GFI1B: variants seen among roughly 807,000 people sequenced by gnomAD.
The protein encoded by GFI1B is growth factor independent 1B transcriptional repressor.
Under a neutral mutation model 35.3 loss-of-function variants are expected in GFI1B, and 20 were observed. The observed-to-expected ratio is 0.57, with a 90% CI of 0.40 to 0.82. The LOEUF is 0.82. Ranked by LOEUF, GFI1B falls within the 40% of genes least tolerant of loss-of-function variation. GFI1B has a pLI of 0.00. For synonymous variants in GFI1B, 178 were observed against 177.6 expected (o/e 1.00, Z -0.02); for missense variants, 430 against 446.3 (o/e 0.96, Z 0.33).
intron 2 of GFI1B, 64 bp from the exon 3 acceptor site, chr9:132,987,218 C>T: frequency 1.3e-6 from 2 of 1,564,036 alleles, no homozygotes; most frequent in Non-Finnish European, 1.7e-6. Context: ...GCGTGCCCTC[C>T]TTGCTCCCTC....
At chr9:132,970,432 C>T (rs372531578) in intron 1 of GFI1B, among the ~76,000 whole-genome samples, 5 of 152,152 alleles carry the variant, frequency 3.3e-5, no homozygotes, top group Non-Finnish European at 5.9e-5. Context: ...TGAACACACA[C>T]GCACGCATGC....
At chr9:132,981,870 A>T (rs1041565344) in intron 1 of GFI1B, among the ~76,000 whole-genome samples, 5 of 151,952 alleles carry the variant, frequency 3.3e-5, no homozygotes, top group Non-Finnish European at 7.4e-5. Context: ...CTCCAGCCTC[A>T]GCCTCCCGAG....
chr9:132,988,527 T>G, intron 4 of GFI1B, 59 bp downstream of exon 4: 1 of 1,499,856 alleles, frequency 6.7e-7, no homozygotes, highest in African/African-American at 1.4e-5. Flanking sequence ...CCCTCTCAAC[T>G]CACTGGCAGC....
upstream of GFI1B, among the ~76,000 whole-genome samples, chr9:132,974,510 G>A (rs1272666035): frequency 6.8e-6 from 1 of 147,186 alleles, no homozygotes; most frequent in African/African-American, 2.5e-5. Flanking sequence ...GCTGAGGCAG[G>A]AGAATCGCTT....
upstream of GFI1B, among the ~76,000 whole-genome samples, chr9:132,974,385 A>G (rs899262629): frequency 6.6e-6 from 1 of 151,990 alleles, no homozygotes; most frequent in African/African-American, 2.4e-5. Context: ...GGATCACTTG[A>G]GGTTAGGAGT....
chr9:132,949,019 C>G (rs886547770), intron 1 of GFI1B, among the ~76,000 whole-genome samples: 17 of 152,230 alleles, frequency 1.1e-4, no homozygotes, highest in African/African-American at 3.9e-4. Context: ...GCCTGTCTCA[C>G]CCGTGGTGTT....
At chr9:132,963,081 CAAAAAAAAA>C (rs763899545) in intron 1 of GFI1B, among the ~76,000 whole-genome samples, 3 of 47,988 alleles carry the variant, frequency 6.3e-5, no homozygotes, top group Non-Finnish European at 1.2e-4. Flanking sequence ...GACTCCATCT[CAAAAAAAAA>C]AAAAAAAAAA....
At chr9:132,957,151 G>A (rs1186967393) in intron 1 of GFI1B, among the ~76,000 whole-genome samples, 1 of 152,180 alleles carries the variant, frequency 6.6e-6, no homozygotes. Flanking sequence ...CAATGAGAGG[G>A]GACCACACAG....
chr9:132,987,336 A>G lies in GFI1B; in HGVS notation c.155A>G (p.Asn52Ser). ...NSPVLSTLFP[N>S]QCLDWTNLKR... ...CCTGTCCTTAGCACTCTATTCCCAA[A>G]CCAGTGCCTGGACTGGACCAACCTC... The change falls in exon 3 of 7, where the codon AAC becomes AGC. Residue 52 changes from asparagine to serine, a missense_variant. Transcript: ENST00000372122. 1 of 1,614,146 alleles carries G rather than the reference A, an allele frequency of 6.2e-7. No homozygotes were observed. Among genetic ancestry groups the G allele is most frequent in the Non-Finnish European group, 8.5e-7 (1 of 1,179,990 alleles).
intron 1 of GFI1B, among the ~76,000 whole-genome samples, chr9:132,955,326 G>A (rs1461971122): frequency 1.3e-5 from 2 of 151,906 alleles, no homozygotes; most frequent in Non-Finnish European, 2.9e-5. Context: ...GTCTTACTCT[G>A]TCACCCGGGA....
chr9:132,961,218 A>G (rs375008248), intron 1 of GFI1B, among the ~76,000 whole-genome samples: 94 of 152,324 alleles, frequency 6.2e-4, no homozygotes, highest in African/African-American at 1.4e-3. Context: ...TAGAAGACCG[A>G]TAAGTTAGGC....
chr9:132,983,568 G>A lies in GFI1B; in HGVS notation c.-20-3091G>A, dbSNP rs552174759. Among the ~76,000 whole-genome samples the A allele has an allele frequency of 3.3e-5, 5 of 152,298 alleles. No individual in the cohort carries two copies. The South Asian group carries it at 6.2e-4, about 19-fold the overall frequency. On this transcript the variant is annotated intron_variant, in intron 1 of 6. Coordinates refer to ENST00000372122, the MANE Select transcript of GFI1B (RefSeq NM_001377304.1). ...GCAGGCGGTGTTCACCGGGTGCTGT[G>A]AGGACCTCTGACAGTGCTGGGTGGC...
chr9:132,976,809 TG>T (rs781458036), upstream of GFI1B, among the ~76,000 whole-genome samples: 1 of 151,914 alleles, frequency 6.6e-6, no homozygotes, highest in Non-Finnish European at 1.5e-5. Context: ...CCAGGCATGG[TG>T]GTGCGCCTGT....
At chr9:132,983,040 T>C (rs1252859656) in intron 1 of GFI1B, among the ~76,000 whole-genome samples, 1 of 152,068 alleles carries the variant, frequency 6.6e-6, no homozygotes, top group African/African-American at 2.4e-5. Context: ...ACCTGGGTTC[T>C]CCTTAGGCCC....
At chr9:132,960,565 T>C (rs1279033716) in intron 1 of GFI1B, among the ~76,000 whole-genome samples, 1 of 151,990 alleles carries the variant, frequency 6.6e-6, no homozygotes, top group Admixed American at 6.6e-5. Context: ...GGTGCGATCA[T>C]AGCTCACTAC....
chr9:132,987,304 C>T lies in GFI1B; in HGVS notation c.123C>T (p.Ser41=). 1 of 1,614,100 alleles carries T rather than the reference C, an allele frequency of 6.2e-7. No individual in the cohort carries two copies. The highest frequency in any genetic ancestry group is 8.5e-7 in the Non-Finnish European group (1 of 1,179,968). The change falls in exon 3 of 7, where the codon AGC becomes AGT. Residue 41 remains serine, a synonymous_variant. Transcript: ENST00000372122. Reference sequence around the variant, plus strand: ...CAGTGCCCAGAGACCAGGCTCCAAGCAACAGCCCTGTCCTTAGCACTCTAT... The same window carrying T: ...CAGTGCCCAGAGACCAGGCTCCAAGTAACAGCCCTGTCCTTAGCACTCTAT... ...LTPVPRDQAP[S]NSPVLSTLFP...
intron 1 of GFI1B, among the ~76,000 whole-genome samples, chr9:132,960,196 G>C (rs964433262): frequency 1.3e-5 from 2 of 152,160 alleles, no homozygotes; most frequent in African/African-American, 4.8e-5. Flanking sequence ...TTTGCTTCTG[G>C]TTTCATCAAG....
intron 2 of GFI1B, 126 bp from the exon 3 acceptor site, chr9:132,987,156 C>T (rs902854489): frequency 5.5e-6 from 6 of 1,086,446 alleles, no homozygotes; most frequent in South Asian, 2.7e-5. Context: ...GTGTGAGCCG[C>T]CAGAAGCAGC....
At chr9:132,990,264 C>T (rs1325579565) in intron 6 of GFI1B, among the ~76,000 whole-genome samples, 1 of 152,148 alleles carries the variant, frequency 6.6e-6, no homozygotes, top group African/African-American at 2.4e-5. Context: ...TTCATTTGTT[C>T]ACTCATTCAT....
Sources: gnomAD v4.1 joint callset for allele counts (sites outside exome capture counted in the v4.1 genomes callset) on GRCh38, gnomAD v4.1.1 for gene constraint, MANE v1.5 for transcripts, NCBI Gene and HGNC (gene_info 2026-07-23, HGNC 2026-07-21) for gene names.